Variants in GARNL3 observed in about 807,000 individuals in gnomAD.
GARNL3 encodes GTPase activating Rap/RanGAP domain like 3, also known as GTPase-activating Rap/Ran-GAP domain-like protein 3.
In GARNL3, 63 loss-of-function variants were observed where a neutral mutation model predicts 125.0. The observed-to-expected ratio is 0.50, with a 90% CI of 0.41 to 0.62. The LOEUF (loss-of-function observed/expected upper bound fraction) is 0.62, where lower values mean the gene tolerates loss of function less well. Among genes scored for constraint, GARNL3 ranks in the 20% least tolerant of loss-of-function variants. The pLI is 0.00. For missense variants in GARNL3, 994 were observed against 1,244.0 expected (o/e 0.80, Z 3.02); for synonymous variants, 439 against 457.5 (o/e 0.96, Z 0.52).
chr9:127,372,756 C>T (rs1831676635), intron 22 of GARNL3, among the ~76,000 whole-genome samples: 1 of 152,208 alleles, frequency 6.6e-6, no homozygotes, highest in African/African-American at 2.4e-5. Flanking sequence ...TGCTACTTTG[C>T]TTCAAACTTT....
At chr9:127,276,929 A>G (rs893468190) in intron 1 of GARNL3, among the ~76,000 whole-genome samples, 1 of 152,224 alleles carries the variant, frequency 6.6e-6, no homozygotes, top group Non-Finnish European at 1.5e-5. Context: ...CCCATCTTAC[A>G]GATGAGTTAA....
intron 4 of GARNL3, among the ~76,000 whole-genome samples, chr9:127,317,555 T>C (rs1384101973): frequency 6.6e-6 from 1 of 151,732 alleles, no homozygotes; most frequent in Non-Finnish European, 1.5e-5. Context: ...CAAAACCCCA[T>C]CTCTACTAAA....
At chr9:127,324,448 C>T (rs1173585953) in intron 6 of GARNL3, among the ~76,000 whole-genome samples, 3 of 152,170 alleles carry the variant, frequency 2.0e-5, no homozygotes, top group Non-Finnish European at 4.4e-5. Context: ...GCCTCCGTGC[C>T]TCCATCCTGA....
chr9:127,307,418 A>G (rs2064987575), intron 2 of GARNL3, among the ~76,000 whole-genome samples: 1 of 152,216 alleles, frequency 6.6e-6, no homozygotes, highest in Admixed American at 6.5e-5. Context: ...CATCTCTTGG[A>G]GGCCCCAGAA....
At chr9:127,331,698 C>CTGCT (rs1483533728) in intron 7 of GARNL3, among the ~76,000 whole-genome samples, 1 of 88,302 alleles carries the variant, frequency 1.1e-5, no homozygotes, top group Non-Finnish European at 2.3e-5. Context: ...GTACCAGCTA[C>CTGCT]TGCTTGCTTG....
At chr9:127,312,607 T>C (rs774603769) in intron 3 of GARNL3, among the ~76,000 whole-genome samples, 3 of 152,220 alleles carry the variant, frequency 2.0e-5, no homozygotes, top group Non-Finnish European at 2.9e-5. Flanking sequence ...CAAAATGAGT[T>C]AGAGAAATTG....
chr9:127,321,364 G>C lies in GARNL3; in HGVS notation c.567+586G>C, dbSNP rs1444641741. Among the ~76,000 whole-genome samples the C allele has an allele frequency of 2.0e-5, 3 of 152,290 alleles. No homozygotes were observed. The East Asian group carries it at 5.8e-4, about 29-fold the overall frequency. ...ACTCCTGACCTCAGGTGATCCACCT[G>C]CCTCAGGCTCCCAAAGGTGCTGAGA... On this transcript the variant is annotated intron_variant, in intron 6 of 27. Coordinates refer to ENST00000373387, the MANE Select transcript of GARNL3 (RefSeq NM_032293.5).
At chr9:127,368,820 A>G (rs1444883984) in intron 22 of GARNL3, among the ~76,000 whole-genome samples, 2 of 152,016 alleles carry the variant, frequency 1.3e-5, no homozygotes, top group Admixed American at 1.3e-4. Flanking sequence ...CTGTAGTCCT[A>G]TCTACTGGGG....
chr9:127,385,193 C>A lies in GARNL3; in HGVS notation c.2388+48C>A. Reference sequence around the variant, plus strand: ...CTCTGAGTGGTTTGGGGGACCCCGGCACTGTGGGATTTCAGGTGAGCACAG... The same window carrying A: ...CTCTGAGTGGTTTGGGGGACCCCGGAACTGTGGGATTTCAGGTGAGCACAG... On this transcript the variant is annotated intron_variant, in intron 24 of 27. Transcript: ENST00000373387. The surrounding 1 kb of genome is among the most constrained non-coding windows in gnomAD (Gnocchi z 4.1). The A allele has an allele frequency of 8.3e-7, 1 of 1,209,290 alleles. No homozygotes were observed. Among genetic ancestry groups the A allele is most frequent in the South Asian group, 1.4e-5 (1 of 72,054 alleles). The allele number at this position is 1,209,290 out of a possible 1,614,324, so 74.9% of individuals were successfully genotyped here. A position where few individuals can be genotyped will look rare whatever the true frequency, so the allele number is the denominator to read the frequency against.
intron 17 of GARNL3, among the ~76,000 whole-genome samples, chr9:127,350,021 G>A (rs1830343465): frequency 6.6e-6 from 1 of 152,188 alleles, no homozygotes; most frequent in African/African-American, 2.4e-5. Context: ...CCCCACGCCA[G>A]GTGCCTTCTG....
At chr9:127,318,230 T>C (rs1012812899) in intron 5 of GARNL3, 103 bp downstream of exon 5, 21 of 799,544 alleles carry the variant, frequency 2.6e-5, no homozygotes, top group Non-Finnish European at 4.5e-5. Flanking sequence ...GTCTTGAGCC[T>C]TGACTGTGTG....
chr9:127,378,870 A>G (rs1245787420), intron 22 of GARNL3, among the ~76,000 whole-genome samples: 3 of 152,014 alleles, frequency 2.0e-5, no homozygotes, highest in Non-Finnish European at 4.4e-5. Context: ...CCGCCTCCCA[A>G]GTCCAAGTGA....
intron 15 of GARNL3, among the ~76,000 whole-genome samples, chr9:127,345,136 T>C (rs908393649): frequency 6.6e-6 from 1 of 152,154 alleles, no homozygotes; most frequent in African/African-American, 2.4e-5. Context: ...CTGCATTTTT[T>C]CAAGCTCATG....
intron 26 of GARNL3, among the ~76,000 whole-genome samples, chr9:127,390,438 A>G (rs1022989512): frequency 6.6e-6 from 1 of 152,206 alleles, no homozygotes; most frequent in Non-Finnish European, 1.5e-5. Context: ...ATTTTTTTGC[A>G]AAGTGTGTAT....
At chr9:127,304,694 C>A (rs1441788272) in intron 2 of GARNL3, among the ~76,000 whole-genome samples, 1 of 152,008 alleles carries the variant, frequency 6.6e-6, no homozygotes, top group Non-Finnish European at 1.5e-5. Context: ...CGCCACCACA[C>A]CTGGCTAATT....
intron 1 of GARNL3, among the ~76,000 whole-genome samples, chr9:127,234,445 T>G (rs2063075134): frequency 6.6e-6 from 1 of 152,292 alleles, no homozygotes. Flanking sequence ...GAGGAGAAGT[T>G]CTACAGCAGC....
intron 22 of GARNL3, chr9:127,367,034 C>G (rs1831323564): frequency 6.6e-6 from 1 of 152,344 alleles, no homozygotes; most frequent in African/African-American, 2.4e-5. Flanking sequence ...CTCAGAGGTT[C>G]CCATAGCTTC....
intron 2 of GARNL3, among the ~76,000 whole-genome samples, chr9:127,248,062 C>CA: frequency 6.6e-6 from 1 of 152,296 alleles, no homozygotes; most frequent in East Asian, 1.9e-4. Flanking sequence ...TAATAGCCTT[C>CA]AGAAGCTTTG....
intron 6 of GARNL3, among the ~76,000 whole-genome samples, chr9:127,322,838 C>G (rs192106610): frequency 1.3e-5 from 2 of 152,304 alleles, no homozygotes; most frequent in South Asian, 2.1e-4. Context: ...GGCTGCTATA[C>G]TGTAGTAACA....
Sources: gnomAD v4.1 joint callset for allele counts (sites outside exome capture counted in the v4.1 genomes callset) on GRCh38, gnomAD v4.1.1 for gene constraint, Gnocchi (gnomAD v3.1) non-coding constraint, MANE v1.5 for transcripts, NCBI Gene and HGNC (gene_info 2026-07-23, HGNC 2026-07-21) for gene names.